XRRA1: variants seen among roughly 807,000 people sequenced by gnomAD.
XRRA1 encodes the protein X-ray radiation resistance-associated protein 1.
A neutral mutation model predicts 80.2 loss-of-function variants in XRRA1; 69 were observed. That is an observed-to-expected ratio of 0.86 (90% CI 0.71 to 1.05). The LOEUF (loss-of-function observed/expected upper bound fraction) is 1.05, where lower values mean the gene tolerates loss of function less well. Ranked by LOEUF, XRRA1 falls within the 50% of genes least tolerant of loss-of-function variation. The probability of loss-of-function intolerance (pLI) is 0.00; values close to 1 mark genes in which losing one functional copy is unlikely to be tolerated. For synonymous variants in XRRA1, 348 were observed against 389.9 expected (o/e 0.89, Z 1.27); for missense variants, 967 against 976.4 (o/e 0.99, Z 0.13).
At position 74,844,190 on chromosome 11, in the gene XRRA1, G is replaced by C. The variant is rs370076583; in HGVS notation, c.2021C>G (p.Pro674Arg). ...SKPKLDTLQKPYVHKEKRAQR... is the reference protein window; with the variant it reads ...SKPKLDTLQKRYVHKEKRAQR... ...TACCCGTTTCTCTTTGTGAACATAGGGTTTCTGAAGAGTGTCCAGCTTGGG... is the reference window on the plus strand; with the variant it reads ...TACCCGTTTCTCTTTGTGAACATAGCGTTTCTGAAGAGTGTCCAGCTTGGG... Residue 674 changes from proline to arginine, a missense_variant, in exon 17 of 19, where the codon CCC (proline) becomes CGC (arginine). By Grantham distance (103) the Pro-to-Arg change is moderately radical. Transcript: ENST00000684022. 10 of 1,613,766 alleles carry C rather than the reference G, an allele frequency of 6.2e-6. No homozygotes were observed. The African/African-American group carries it at 1.3e-4, about 22-fold the overall frequency.
At chr11:74,866,167 A>T (rs115888222) in intron 10 of XRRA1, among the ~76,000 whole-genome samples, 1,750 of 152,358 alleles carry the variant, frequency 0.011, 30 homozygotes, top group African/African-American at 0.04. Context: ...GATGCCAGAG[A>T]TCAAACATAA....
intron 10 of XRRA1, among the ~76,000 whole-genome samples, chr11:74,894,316 C>A (rs753936732): frequency 6.6e-6 from 1 of 152,150 alleles, no homozygotes; most frequent in African/African-American, 2.4e-5. Flanking sequence ...CAGTACTATT[C>A]TTATTACCTG....
At chr11:74,937,513 C>T (rs914354224) in intron 3 of XRRA1, among the ~76,000 whole-genome samples, 2 of 151,862 alleles carry the variant, frequency 1.3e-5, no homozygotes, top group African/African-American at 4.8e-5. Flanking sequence ...GTGACCTCAA[C>T]TCAATAGGTT....
chr11:74,843,930 C>T lies in XRRA1; in HGVS notation c.2073G>A (p.Lys691=). ...CATCCAGAAGTTGGGCTCTAGTCTTCTTTGGGGGTGGAATCGGGATTCTCT... is the reference window on the plus strand; with the variant it reads ...CATCCAGAAGTTGGGCTCTAGTCTTTTTTGGGGGTGGAATCGGGATTCTCT... ...RAQRIPIPPP[K]KTRAQLLDDI... The change falls in exon 18 of 19, where the codon AAG becomes AAA. Residue 691 remains lysine (K), a synonymous_variant. Transcript: ENST00000684022. 5.0e-6 allele frequency: 8 copies of T among 1,613,718 alleles called. No individual in the cohort carries two copies. Among genetic ancestry groups the T allele is most frequent in the Non-Finnish European group, 6.8e-6 (8 of 1,179,792 alleles).
intron 10 of XRRA1, among the ~76,000 whole-genome samples, chr11:74,880,617 C>G (rs1485493904): frequency 5.3e-5 from 8 of 151,410 alleles, no homozygotes; most frequent in Admixed American, 3.3e-4. Flanking sequence ...AAATTTCCCT[C>G]TACAAACTGC....
intron 6 of XRRA1, 55 bp from the exon 7 acceptor site, chr11:74,927,543 G>C: frequency 1.6e-6 from 2 of 1,218,724 alleles, no homozygotes; most frequent in South Asian, 1.2e-5. Context: ...TTAAGAGAAA[G>C]ATATTAATAA....
At chr11:74,861,251 C>T (rs748472286) in intron 11 of XRRA1, among the ~76,000 whole-genome samples, 1 of 152,210 alleles carries the variant, frequency 6.6e-6, no homozygotes, top group Non-Finnish European at 1.5e-5. Flanking sequence ...GTGCCAGTCC[C>T]TGGCTTGTTG....
chr11:74,919,985 TCAAA>T (rs1414290403), intron 8 of XRRA1: 1 of 161,782 alleles, frequency 6.2e-6, no homozygotes, highest in African/African-American at 2.7e-5. Context: ...GTCAACTATA[TCAAA>T]CAAAGTTATA....
At chr11:74,946,198 C>A (rs111290727) in intron 1 of XRRA1, among the ~76,000 whole-genome samples, 2 of 152,180 alleles carry the variant, frequency 1.3e-5, no homozygotes, top group African/African-American at 4.8e-5. Flanking sequence ...CCAACTCAGC[C>A]TCTCAAAGTG....
Position 74,921,319 on chromosome 11 carries a change from GTCAGGCT to G in XRRA1, c.544_550del (p.Ser182LeufsTer40), listed in dbSNP as rs1565408828. 6.2e-7 allele frequency: 1 copy of G among 1,614,008 alleles called. No individual in the cohort carries two copies. Among genetic ancestry groups the G allele is most frequent in the Non-Finnish European group, 8.5e-7 (1 of 1,179,890 alleles). ...CCCCAAATCACAGATGGCCTCCACA[GTCAGGCT>G]GTTGAAGGAAAGGTCCAAGAACTGC... On this transcript the variant is annotated frameshift_variant, in exon 8 of 19. Transcript: ENST00000684022. LOFTEE classifies it high-confidence loss of function.
rs1012923548 is a variant in XRRA1 at position 74,845,085 on chromosome 11, T to C, written c.1915A>G (p.Ile639Val). 1 of 1,613,644 alleles carries C rather than the reference T, an allele frequency of 6.2e-7. No individual in the cohort carries two copies. Among genetic ancestry groups the C allele is most frequent in the Non-Finnish European group, 8.5e-7 (1 of 1,179,882 alleles). The change falls in exon 16 of 19, where the codon ATT becomes GTT. Residue 639 changes from isoleucine to valine, a missense_variant. By Grantham distance (29) the Ile-to-Val change is conservative. Transcript: ENST00000684022. ...TGCCCTCACATACCCTTTGGCTCAA[T>C]GAAGGCTGGATCAGGCTTGGCTGTC... Reference protein sequence around the residue: ...LLTAKPDPAFIEPKGIQKNAQ... With the variant: ...LLTAKPDPAFVEPKGIQKNAQ...
chr11:74,927,368 A>G (rs1273378925), intron 7 of XRRA1, 23 bp downstream of exon 7: 1 of 1,504,748 alleles, frequency 6.6e-7, no homozygotes, highest in South Asian at 1.1e-5. Context: ...GTGGGCACCA[A>G]AAACTCCCTA....
chr11:74,897,133 A>C (rs1422860685), intron 10 of XRRA1, among the ~76,000 whole-genome samples: 1 of 152,100 alleles, frequency 6.6e-6, no homozygotes, highest in East Asian at 1.9e-4. Flanking sequence ...TAACACAAAG[A>C]AGGAATTCAG....
intron 10 of XRRA1, among the ~76,000 whole-genome samples, chr11:74,890,815 A>T (rs1165442367): frequency 1.3e-5 from 2 of 152,226 alleles, no homozygotes; most frequent in South Asian, 2.1e-4. Flanking sequence ...GAAATGGATA[A>T]ATTCCTCAAC....
chr11:74,861,633 T>C (rs1032422855), intron 11 of XRRA1, among the ~76,000 whole-genome samples: 1 of 152,200 alleles, frequency 6.6e-6, no homozygotes, highest in Non-Finnish European at 1.5e-5. Flanking sequence ...ACATAATAAA[T>C]GTAATGCACT....
In XRRA1 at chr11:74,932,248, T is replaced by C. The variant is rs556416890; in HGVS notation, c.351+1553A>G. On this transcript the variant is annotated intron_variant, in intron 5 of 18. Coordinates refer to ENST00000684022, the MANE Select transcript of XRRA1 (RefSeq NM_001378157.1). ...AATTAAATTTCATAGATATTTTCCT[T>C]TATGGTTTAACCACAAAGCTAGCAA... Among the ~76,000 whole-genome samples, 7 of 152,310 alleles carry C rather than the reference T, an allele frequency of 4.6e-5. No individual in the cohort carries two copies. In the South Asian group the frequency reaches 1.5e-3, roughly 32 times the overall value.
At chr11:74,915,919 C>T (rs1289166393) in intron 8 of XRRA1, among the ~76,000 whole-genome samples, 1 of 152,136 alleles carries the variant, frequency 6.6e-6, no homozygotes, top group Admixed American at 6.5e-5. Context: ...TTTGGAAGAA[C>T]ACTTCTGCTG....
chr11:74,888,821 C>G (rs1021033438), intron 10 of XRRA1, among the ~76,000 whole-genome samples: 7 of 151,772 alleles, frequency 4.6e-5, no homozygotes, highest in African/African-American at 1.7e-4. Context: ...GATGGAAGAT[C>G]AAATGAATGA....
chr11:74,880,306 G>A (rs1257807855), intron 10 of XRRA1, among the ~76,000 whole-genome samples: 5 of 152,168 alleles, frequency 3.3e-5, no homozygotes, highest in Non-Finnish European at 7.3e-5. Flanking sequence ...GGGATCGGTG[G>A]TGATATCCCC....
Sources: allele counts gnomAD v4.1 joint callset (sites outside exome capture counted in the v4.1 genomes callset), GRCh38; gene constraint gnomAD v4.1.1; transcripts MANE v1.5; gene names NCBI Gene and HGNC (gene_info 2026-07-23, HGNC 2026-07-21).